Variants in CPA6 observed in about 807,000 individuals in gnomAD.
CPA6 encodes the protein carboxypeptidase A6.
In CPA6, 58 loss-of-function variants were observed where a neutral mutation model predicts 63.3. The observed-to-expected ratio is 0.92, with a 90% CI of 0.74 to 1.14. CPA6 has a LOEUF of 1.14. Ranked by LOEUF, CPA6 falls within the 50% of genes most tolerant of loss-of-function variation. CPA6 has a pLI of 0.00. For synonymous variants in CPA6, 185 were observed against 179.0 expected (o/e 1.03, Z -0.27); for missense variants, 565 against 526.6 (o/e 1.07, Z -0.71).
intron 2 of CPA6, among the ~76,000 whole-genome samples, chr8:67,595,845 C>T (rs1429991650): frequency 6.6e-6 from 1 of 152,196 alleles, no homozygotes; most frequent in Non-Finnish European, 1.5e-5. Flanking sequence ...CCGAGTGAGG[C>T]AATGCCTCGC....
intron 8 of CPA6, among the ~76,000 whole-genome samples, chr8:67,471,309 T>C (rs1365732521): frequency 6.6e-6 from 1 of 152,226 alleles, no homozygotes; most frequent in Non-Finnish European, 1.5e-5. Context: ...CTGTCTAGCA[T>C]GTGTAACAAC....
intron 2 of CPA6, among the ~76,000 whole-genome samples, chr8:67,603,162 A>G (rs79610514): frequency 2.3e-4 from 35 of 152,294 alleles, no homozygotes; most frequent in African/African-American, 8.2e-4. Context: ...TTTTGTTTTT[A>G]GGAATAATCC....
At chr8:67,434,285 G>T in intron 8 of CPA6, 45 bp from the exon 9 acceptor site, 1 of 1,454,460 alleles carries the variant, frequency 6.9e-7, no homozygotes, top group South Asian at 1.2e-5. Flanking sequence ...GGGCAGGGAA[G>T]AAACAAGAAA....
chr8:67,643,396 A>G (rs1449126741), intron 1 of CPA6, among the ~76,000 whole-genome samples: 1 of 152,236 alleles, frequency 6.6e-6, no homozygotes, highest in Non-Finnish European at 1.5e-5. Flanking sequence ...AAATAGATGA[A>G]CCACAGATAT....
In CPA6 at chr8:67,624,239, T is replaced by C. The variant is rs960814624; in HGVS notation, c.129A>G (p.Ile43Met). Residue 43 changes from isoleucine to methionine, a missense_variant, in exon 2 of 11, where the codon ATA (isoleucine) becomes ATG (methionine). Transcript: ENST00000297770. ...YNNRYAGDKV[I>M]RFIPKTEEEA... ...CCTCTTCTGTTTTGGGAATAAATCT[T>C]ATCACTTTATCACTACAAGATAAGA... 1.4e-6 allele frequency: 2 copies of C among 1,458,806 alleles called. No individual in the cohort carries two copies. Among genetic ancestry groups the C allele is most frequent in the East Asian group, 2.3e-5 (1 of 44,092 alleles). The allele number at this position is 1,458,806 out of a possible 1,614,324, so 90.4% of individuals were successfully genotyped here.
intron 1 of CPA6, among the ~76,000 whole-genome samples, chr8:67,711,686 TACACACAC>T (rs5892094): frequency 9.0e-5 from 12 of 133,860 alleles, no homozygotes; most frequent in African/African-American, 2.5e-4. Flanking sequence ...TATGCCTGTG[TACACACAC>T]ACACACACAC....
intron 1 of CPA6, among the ~76,000 whole-genome samples, chr8:67,643,957 G>A (rs1815653556): frequency 6.6e-6 from 1 of 152,084 alleles, no homozygotes; most frequent in African/African-American, 2.4e-5. Flanking sequence ...TTACTACACT[G>A]AAAGAATTAA....
intron 1 of CPA6, among the ~76,000 whole-genome samples, chr8:67,739,659 G>A (rs1465199953): frequency 6.6e-6 from 1 of 152,114 alleles, no homozygotes; most frequent in Non-Finnish European, 1.5e-5. Context: ...CTACTTCTCT[G>A]ATCTGACTAG....
chr8:67,491,229 T>TG (rs1811598563), intron 6 of CPA6, among the ~76,000 whole-genome samples: 11 of 151,004 alleles, frequency 7.3e-5, no homozygotes, highest in Admixed American at 6.6e-4. Flanking sequence ...GGAAGTTTTT[T>TG]TTTTTTTTTT....
chr8:67,546,336 A>T (rs1812818161), intron 2 of CPA6, among the ~76,000 whole-genome samples: 1 of 152,168 alleles, frequency 6.6e-6, no homozygotes, highest in Non-Finnish European at 1.5e-5. Flanking sequence ...AAGCTTTCTC[A>T]GTCTGGCCGA....
intron 8 of CPA6, among the ~76,000 whole-genome samples, chr8:67,456,687 T>A (rs1405076545): frequency 6.6e-6 from 1 of 152,170 alleles, no homozygotes; most frequent in East Asian, 1.9e-4. Context: ...CCCCCCAAAA[T>A]CACCAGGTCC....
At chr8:67,584,226 A>G (rs77752533) in intron 2 of CPA6, among the ~76,000 whole-genome samples, 3,971 of 152,266 alleles carry the variant, frequency 0.026, 85 homozygotes, top group African/African-American at 0.063. Context: ...TGCAGTTTCA[A>G]TGATGAAGTC....
At chr8:67,573,621 G>A (rs548354814) in intron 2 of CPA6, among the ~76,000 whole-genome samples, 79 of 152,090 alleles carry the variant, frequency 5.2e-4, no homozygotes, top group African/African-American at 1.6e-3. Flanking sequence ...GGCCGGGCAC[G>A]GTGGTTCACA....
At chr8:67,639,222 A>G (rs930556979) in intron 1 of CPA6, among the ~76,000 whole-genome samples, 8 of 151,354 alleles carry the variant, frequency 5.3e-5, no homozygotes, top group East Asian at 1.9e-4. Context: ...CTGTTATGGG[A>G]TTCTTGGGGT....
rs1173785185 is a variant in CPA6 at position 67,511,561 on chromosome 8, C to A, written c.412G>T (p.Val138Phe). 1.9e-6 allele frequency: 3 copies of A among 1,600,642 alleles called. No individual in the cohort carries two copies. The highest frequency in any genetic ancestry group is 2.6e-6 in the Non-Finnish European group (3 of 1,167,962). Residue 138 changes from valine to phenylalanine, a missense_variant, in exon 4 of 11, where the codon GTT becomes TTT. Val to Phe is a conservative substitution (Grantham distance 50, BLOSUM62 -1). Transcript: ENST00000297770. ...CATACTTCTTCTAAGGAGTGATAAACTTCATAATTATATCCAGAGAGGGAT... is the reference window on the plus strand; with the variant it reads ...CATACTTCTTCTAAGGAGTGATAAAATTCATAATTATATCCAGAGAGGGAT... ...RRSLSGYNYEVYHSLEEIQNW... is the reference protein window; with the variant it reads ...RRSLSGYNYEFYHSLEEIQNW...
chr8:67,438,989 G>A (rs946038831), intron 8 of CPA6, among the ~76,000 whole-genome samples: 4 of 151,830 alleles, frequency 2.6e-5, no homozygotes, highest in Admixed American at 6.6e-5. Flanking sequence ...AGTAAAGAAG[G>A]AAAAAAGAAA....
At chr8:67,493,427 C>G (rs924534260) in intron 6 of CPA6, among the ~76,000 whole-genome samples, 2 of 152,134 alleles carry the variant, frequency 1.3e-5, no homozygotes, top group Non-Finnish European at 2.9e-5. Context: ...GAGGACTTCT[C>G]CTACAACCAC....
intron 1 of CPA6, among the ~76,000 whole-genome samples, chr8:67,736,762 G>A (rs147611315): frequency 9.9e-5 from 15 of 152,234 alleles, no homozygotes; most frequent in East Asian, 3.9e-4. Flanking sequence ...CTTCAGATCC[G>A]TCTATCCAAC....
intron 8 of CPA6, among the ~76,000 whole-genome samples, chr8:67,434,696 CGCAGCAGCTGCAGCTGCAGCAGTG>C (rs1333072759): frequency 6.6e-6 from 1 of 152,078 alleles, no homozygotes; most frequent in Non-Finnish European, 1.5e-5. Context: ...GTCTCATGGC[CGCAGCAGCTGCAGCTGCAGCAGTG>C]GCAGCAGCAG....
Sources: gnomAD v4.1 joint callset for allele counts (sites outside exome capture counted in the v4.1 genomes callset) on GRCh38, gnomAD v4.1.1 for gene constraint, MANE v1.5 for transcripts, NCBI Gene and HGNC (gene_info 2026-07-23, HGNC 2026-07-21) for gene names.